ATAD1: variants seen among roughly 807,000 people sequenced by gnomAD.
ATAD1 encodes the protein outer mitochondrial transmembrane helix translocase.
ATAD1 carries 18 observed loss-of-function variants against 42.7 expected under a neutral mutation model. The observed-to-expected ratio is 0.42, with a 90% CI of 0.29 to 0.63. The LOEUF (loss-of-function observed/expected upper bound fraction) is 0.63. Ranked by LOEUF, ATAD1 falls within the 20% of genes least tolerant of loss-of-function variation. The pLI is 0.19. For synonymous variants in ATAD1, 132 were observed against 143.1 expected, an observed-to-expected ratio of 0.92 and a Z score of 0.55; for missense variants, 294 against 440.4, an observed-to-expected ratio of 0.67 and a Z score of 2.98.
intron 5 of ATAD1, among the ~76,000 whole-genome samples, chr10:87,780,591 T>C (rs1299205209): frequency 6.6e-6 from 1 of 152,040 alleles, no homozygotes; most frequent in East Asian, 1.9e-4. Context: ...ATAAAGACTA[T>C]TAATGTATTT....
chr10:87,831,809 A>C (rs1026131597), intron 1 of ATAD1, among the ~76,000 whole-genome samples: 1 of 152,198 alleles, frequency 6.6e-6, no homozygotes, highest in African/African-American at 2.4e-5. Context: ...TATTTAACAA[A>C]CACTTTATAT....
At chr10:87,779,068 G>A (rs1027844878) in intron 5 of ATAD1, among the ~76,000 whole-genome samples, 3 of 152,012 alleles carry the variant, frequency 2.0e-5, no homozygotes, top group East Asian at 1.9e-4. Context: ...AGGCCGAGGT[G>A]GGTGGATCAC....
intron 8 of ATAD1, among the ~76,000 whole-genome samples, chr10:87,758,184 AC>A (rs1324394820): frequency 6.6e-6 from 1 of 152,140 alleles, no homozygotes; most frequent in East Asian, 1.9e-4. Flanking sequence ...ACATTAAAGT[AC>A]TCTAAAGTGT....
chr10:87,832,409 T>A (rs984609419), intron 1 of ATAD1, among the ~76,000 whole-genome samples: 2 of 149,054 alleles, frequency 1.3e-5, no homozygotes, highest in African/African-American at 2.5e-5. Flanking sequence ...AAAAAAAAAA[T>A]ATGGCTGCAG....
chr10:87,822,469 G>C (rs1180602017), upstream of ATAD1, among the ~76,000 whole-genome samples: 4 of 152,156 alleles, frequency 2.6e-5, no homozygotes, highest in East Asian at 7.7e-4. Context: ...ATGAGATCCT[G>C]TCATTTGCAA....
At chr10:87,814,738 T>TA (rs1386278722) in intron 1 of ATAD1, 126 bp from the exon 2 acceptor site, 10 of 674,870 alleles carry the variant, frequency 1.5e-5, no homozygotes, top group Middle Eastern at 4.4e-4. Flanking sequence ...TTACCTACCT[T>TA]AAAAAAAGTG....
chr10:87,829,549 C>T lies in ATAD1; in HGVS notation c.-14+11638G>A, dbSNP rs556987890. The stretch of plus-strand genomic sequence containing the variant: ...GATTACAGGCATGAGCCACCTCGCC[C>T]GGCCAGGATTCACCATTCTAAATGC... On this transcript the variant is annotated intron_variant, in intron 1 of 4. Coordinates refer to the ATAD1 transcript ENST00000495903. 3.3e-5 allele frequency among the ~76,000 whole-genome samples: 5 copies of T among 152,110 alleles called. No homozygotes were observed. In the East Asian group the frequency reaches 5.8e-4, roughly 18 times the overall value.
At position 87,799,712 on chromosome 10, in the gene ATAD1, CTCA is replaced by C. The variant is rs552026854; in HGVS notation, c.163-6960_163-6958del. ...ATGCAATGGGATAATTGTAGACAAA[CTCA>C]TCATAATTTAGAATCTAAAGTTATA... On this transcript the variant is annotated intron_variant, in intron 2 of 9. Transcript: ENST00000680024. Among the ~76,000 whole-genome samples the C allele has an allele frequency of 5.3e-3, 811 of 151,772 alleles. 6 individuals carry two copies. Among genetic ancestry groups the C allele is most frequent in the Non-Finnish European group, 5.7e-3 (389 of 67,910 alleles).
In ATAD1 at chr10:87,754,648, C is replaced by G. The variant is rs772005345; in HGVS notation, c.*39G>C. The G allele has an allele frequency of 6.3e-7, 1 of 1,592,654 alleles. No individual in the cohort carries two copies. Among genetic ancestry groups the G allele is most frequent in the East Asian group, 2.2e-5 (1 of 44,484 alleles). On this transcript the variant is annotated 3_prime_UTR_variant, in exon 10 of 10. Coordinates refer to ENST00000680024, the MANE Select transcript of ATAD1 (RefSeq NM_001321967.2). ...TTCCACTAACTGATAAGAGGACACA[C>G]CAAACTAGATCACTGAACTGTACAA...
chr10:87,803,220 T>C (rs1470068136), intron 2 of ATAD1, among the ~76,000 whole-genome samples: 1 of 152,196 alleles, frequency 6.6e-6, no homozygotes, highest in Non-Finnish European at 1.5e-5. Flanking sequence ...GCTTTCCTAA[T>C]AACTCAGGAC....
intron 7 of ATAD1, 64 bp from the exon 8 acceptor site, chr10:87,767,787 T>G: frequency 6.8e-7 from 1 of 1,470,078 alleles, no homozygotes; most frequent in Non-Finnish European, 9.3e-7. Context: ...GATCAAGTAG[T>G]GTTCCTAATA....
intron 1 of ATAD1, chr10:87,817,771 G>C (rs998736316): frequency 1.0e-6 from 1 of 985,336 alleles, no homozygotes. Flanking sequence ...CAAGGTGGTG[G>C]CCGCGCCTGT....
intron 5 of ATAD1, among the ~76,000 whole-genome samples, chr10:87,784,156 T>A (rs1855706166): frequency 6.6e-6 from 1 of 152,168 alleles, no homozygotes; most frequent in Non-Finnish European, 1.5e-5. Context: ...AAGATAGATA[T>A]ATCACACAAC....
At chr10:87,768,235 T>C (rs1854858378) in intron 7 of ATAD1, among the ~76,000 whole-genome samples, 1 of 152,206 alleles carries the variant, frequency 6.6e-6, no homozygotes, top group Non-Finnish European at 1.5e-5. Flanking sequence ...TTTCCCCCAG[T>C]GACAATTCCT....
At chr10:87,791,455 GA>G (rs35065453) in intron 3 of ATAD1, among the ~76,000 whole-genome samples, 7 of 148,856 alleles carry the variant, frequency 4.7e-5, no homozygotes, top group African/African-American at 1.2e-4. Context: ...AGCCAGATCT[GA>G]AAAAAAAAAT....
At chr10:87,784,283 A>G (rs1855713033) in intron 5 of ATAD1, among the ~76,000 whole-genome samples, 187 bp downstream of exon 5, 1 of 152,216 alleles carries the variant, frequency 6.6e-6, no homozygotes, top group Non-Finnish European at 1.5e-5. Context: ...AAACCTATCT[A>G]TCAAGTAGGG....
intron 2 of ATAD1, among the ~76,000 whole-genome samples, chr10:87,796,059 G>T (rs1475780739): frequency 6.7e-6 from 1 of 148,184 alleles, no homozygotes; most frequent in Admixed American, 6.7e-5. Context: ...GAGTATGTAA[G>T]TATCTTTATA....
chr10:87,830,855 G>T (rs1295452873), intron 1 of ATAD1, among the ~76,000 whole-genome samples: 3 of 152,148 alleles, frequency 2.0e-5, no homozygotes, highest in African/African-American at 7.2e-5. Flanking sequence ...CTGTTCCAGT[G>T]CATAGAAATG....
intron 8 of ATAD1, among the ~76,000 whole-genome samples, chr10:87,757,789 C>T (rs942761245): frequency 1.3e-5 from 2 of 152,132 alleles, no homozygotes; most frequent in African/African-American, 4.8e-5. Context: ...ATTATATTTA[C>T]TAAATTCCCA....
Sources: allele counts gnomAD v4.1 joint callset (sites outside exome capture counted in the v4.1 genomes callset), GRCh38; gene constraint gnomAD v4.1.1; transcripts MANE v1.5; gene names NCBI Gene and HGNC (gene_info 2026-07-23, HGNC 2026-07-21).